The following OTUD3 variants were observed in gnomAD, a reference collection of about 807,000 sequenced individuals.
The protein encoded by OTUD3 is OTU domain-containing protein 3.
In OTUD3, 24 loss-of-function variants were observed where a neutral mutation model predicts 46.2. That is an observed-to-expected ratio of 0.52 (90% confidence interval 0.38 to 0.73). The LOEUF is 0.73. Ranked by LOEUF, OTUD3 falls within the 30% of genes least tolerant of loss-of-function variation. The pLI, the probability that OTUD3 is intolerant of heterozygous loss-of-function variation, is 0.00. For missense variants in OTUD3, 455 were observed against 523.3 expected (o/e 0.87, Z 1.27); for synonymous variants, 189 against 195.4 (o/e 0.97, Z 0.27).
chr1:19,897,509 TCA>T, intron 3 of OTUD3, 29 bp from the exon 4 acceptor site: 1 of 1,612,364 alleles, frequency 6.2e-7, no homozygotes, highest in South Asian at 1.1e-5. Context: ...GTTCAGATCC[TCA>T]CTGGCATGGC....
chr1:19,909,441 G>C lies in OTUD3; in HGVS notation c.*1695G>C, dbSNP rs1022845888. 8.5e-5 allele frequency: 13 copies of C among 152,340 alleles called. No individual in the cohort carries two copies. Among genetic ancestry groups the C allele is most frequent in the Non-Finnish European group, 1.9e-4 (13 of 68,030 alleles). 9.4% of individuals were successfully genotyped at this position (152,340 alleles called of 1,614,324 possible). Reference sequence around the variant, plus strand: ...TTTTCTGTGCACGTCGCAGAGTCCTGAGCTTGAGGCTGTGTTACTCTACTC... The same window carrying C: ...TTTTCTGTGCACGTCGCAGAGTCCTCAGCTTGAGGCTGTGTTACTCTACTC... On this transcript the variant is annotated 3_prime_UTR_variant, in exon 8 of 8. Coordinates refer to ENST00000375120, the MANE Select transcript of OTUD3 (RefSeq NM_015207.2).
At position 19,897,095 on chromosome 1, in the gene OTUD3, G is replaced by T. The variant is rs186632181; in HGVS notation, c.484-445G>T. 1.3e-3 allele frequency among the ~76,000 whole-genome samples: 205 copies of T among 152,310 alleles called. 1 individual carries two copies. The highest frequency in any genetic ancestry group is 3.4e-3 in the Middle Eastern group (1 of 294). ...AGGACTCCCTTTCTAGGTCTTGGGA[G>T]AAGTTCTACCAGTTTTATATTTATA... On this transcript the variant is annotated intron_variant, in intron 3 of 7. Transcript: ENST00000375120.
In OTUD3 at chr1:19,894,384, G is replaced by A. The variant is rs767519303; in HGVS notation, c.387G>A (p.Lys129=). The A allele has an allele frequency of 1.0e-5, 16 of 1,607,130 alleles. No homozygotes were observed. Among genetic ancestry groups the A allele is most frequent in the Non-Finnish European group, 1.2e-5 (14 of 1,176,212 alleles). ...PFEKHVASLA[K]PGTFAGNDAI... ...TCCATGCAGTGGCCAGTTTGGCAAA[G>A]CCTGGTACTTTTGCTGGCAATGATG... is the stretch of plus-strand genomic sequence containing the variant. The change falls in exon 3 of 8, where the codon AAG becomes AAA. Residue 129 remains lysine, a synonymous_variant. Coordinates refer to ENST00000375120, the MANE Select transcript of OTUD3 (RefSeq NM_015207.2).
chr1:19,906,867 C>G (rs554030182), intron 7 of OTUD3: 2 of 317,336 alleles, frequency 6.3e-6, no homozygotes, highest in East Asian at 5.8e-5. Context: ...GCCTCCTTTT[C>G]CCACCTAACA....
chr1:19,882,561 G>A lies in OTUD3; in HGVS notation c.48G>A (p.Arg16=). 2 of 1,368,092 alleles carry A rather than the reference G, an allele frequency of 1.5e-6. No homozygotes were observed. The highest frequency in any genetic ancestry group is 1.9e-6 in the Non-Finnish European group (2 of 1,069,264). 84.7% of individuals were successfully genotyped at this position (1,368,092 alleles called of 1,614,324 possible). Residue 16 remains arginine (R), a synonymous_variant, in exon 1 of 8, where the codon CGG becomes CGA. Transcript: ENST00000375120. ...AGAGCCGGCCGGGCAGCGGCAGCCG[G>A]AAAGCCGAGGCCGAGCGCAAGCGGG... ...AAKSRPGSGS[R]KAEAERKRDE...
At position 19,894,097 on chromosome 1, in the gene OTUD3, CTT is replaced by C. The variant is rs377178022; in HGVS notation, c.371-268_371-267del. The stretch of plus-strand genomic sequence containing the variant: ...GTGTTTATTGTTATGTTTCTAGTGC[CTT>C]TTATTGAGTTAGTATATTGGAAGTA... On this transcript the variant is annotated intron_variant, in intron 2 of 7. Coordinates refer to ENST00000375120, the MANE Select transcript of OTUD3 (RefSeq NM_015207.2). Among the ~76,000 whole-genome samples the C allele has an allele frequency of 3.7e-4, 57 of 152,302 alleles. 1 individual carries two copies. In the East Asian group the frequency reaches 0.011, roughly 28 times the overall value.
chr1:19,904,118 G>T, intron 4 of OTUD3, 149 bp from the exon 5 acceptor site: 1 of 485,486 alleles, frequency 2.1e-6, no homozygotes, highest in Non-Finnish European at 3.6e-6. Flanking sequence ...ATAAAATGGA[G>T]CCTAGTCATT....
Position 19,907,968 on chromosome 1 carries a change from T to C in OTUD3, c.*222T>C. 1 of 436,250 alleles carries C rather than the reference T, an allele frequency of 2.3e-6. No individual in the cohort carries two copies. The highest frequency in any genetic ancestry group is 4.1e-6 in the Non-Finnish European group (1 of 246,268). The allele number at this position is 436,250 out of a possible 1,614,324, so 27.0% of individuals were successfully genotyped here. On this transcript the variant is annotated 3_prime_UTR_variant, in exon 8 of 8. Transcript: ENST00000375120. The stretch of plus-strand genomic sequence containing the variant: ...GAAAATGCAGTGAGGCCATTCATAT[T>C]CTGTAATACAAAATTAAAATACTGA...
At chr1:19,899,998 T>G (rs2045564260) in intron 4 of OTUD3, among the ~76,000 whole-genome samples, 1 of 152,160 alleles carries the variant, frequency 6.6e-6, no homozygotes, top group South Asian at 2.1e-4. Context: ...TTGCAAATAG[T>G]TTTTCGCACT....
chr1:19,903,503 T>G (rs1160408956), intron 4 of OTUD3, among the ~76,000 whole-genome samples: 1 of 152,220 alleles, frequency 6.6e-6, no homozygotes, highest in Non-Finnish European at 1.5e-5. Context: ...GAATATACTG[T>G]ACATTGCTGG....
Position 19,907,687 on chromosome 1 carries a change from G to A in OTUD3, c.1138G>A (p.Glu380Lys), listed in dbSNP as rs1039993167. The A allele has an allele frequency of 3.1e-6, 5 of 1,614,098 alleles. No individual in the cohort carries two copies. Among genetic ancestry groups the A allele is most frequent in the Admixed American group, 1.7e-5 (1 of 60,004 alleles). Reference protein sequence around the residue: ...RGSHRDNNRSEAEANTQVTLV... With the variant: ...RGSHRDNNRSKAEANTQVTLV... Reference sequence around the variant, plus strand: ...TAGCCACAGGGACAATAACAGAAGCGAAGCAGAGGCGAACACGCAGGTCAC... The same window carrying A: ...TAGCCACAGGGACAATAACAGAAGCAAAGCAGAGGCGAACACGCAGGTCAC... The change falls in exon 8 of 8, where the codon GAA becomes AAA. Residue 380 changes from glutamate to lysine, a missense_variant. Transcript: ENST00000375120.
intron 6 of OTUD3, 112 bp from the exon 7 acceptor site, chr1:19,906,320 A>T: frequency 1.2e-6 from 1 of 866,192 alleles, no homozygotes; most frequent in Non-Finnish European, 1.7e-6. Context: ...AAGGAAACTT[A>T]CTTCCCTTAT....
intron 3 of OTUD3, among the ~76,000 whole-genome samples, chr1:19,896,187 G>T (rs1413154858): frequency 6.6e-6 from 1 of 151,912 alleles, no homozygotes; most frequent in Non-Finnish European, 1.5e-5. Context: ...TAAAGAGTAG[G>T]CTTATACTCA....
intron 4 of OTUD3, among the ~76,000 whole-genome samples, chr1:19,901,024 C>T (rs2045581939): frequency 6.6e-6 from 1 of 151,242 alleles, no homozygotes. Context: ...ATTCTCCTGC[C>T]TCAGCCTCCC....
At position 19,906,620 on chromosome 1, in the gene OTUD3, T is replaced by C. The variant is rs776140510; in HGVS notation, c.1020+4T>C. 2 of 1,603,010 alleles carry C rather than the reference T, an allele frequency of 1.2e-6. No individual in the cohort carries two copies. The highest frequency in any genetic ancestry group is 1.7e-6 in the Non-Finnish European group (2 of 1,174,246). ...AAATAAAAACCAGCTCGCAAAGGTA[T>C]GTAAGATGGGGTTGAATGGGCAGGT... On this transcript the variant is annotated splice_donor_region_variant and intron_variant, in intron 7 of 7. Coordinates refer to ENST00000375120, the MANE Select transcript of OTUD3 (RefSeq NM_015207.2).
chr1:19,887,505 A>G (rs559787023), intron 1 of OTUD3, among the ~76,000 whole-genome samples: 3 of 152,340 alleles, frequency 2.0e-5, no homozygotes, highest in East Asian at 1.9e-4. Flanking sequence ...AGCAACCACT[A>G]TTAAACAACA....
chr1:19,893,393 A>AG (rs1041481926), intron 2 of OTUD3, among the ~76,000 whole-genome samples: 5 of 152,206 alleles, frequency 3.3e-5, no homozygotes, highest in African/African-American at 1.2e-4. Flanking sequence ...AGAGATGCAT[A>AG]GGACAGTCTG....
At chr1:19,905,161 G>A in intron 6 of OTUD3, among the ~76,000 whole-genome samples, 174 bp downstream of exon 6, 1 of 152,226 alleles carries the variant, frequency 6.6e-6, no homozygotes, top group East Asian at 1.9e-4. Flanking sequence ...CTCTGCTTCA[G>A]GGGGAGTATA....
rs2045284474 is a variant in OTUD3, at chr1:19,882,604, C to T, written c.91C>T (p.Arg31Trp). The T allele has an allele frequency of 7.0e-7, 1 of 1,437,176 alleles. No individual in the cohort carries two copies. 89.0% of individuals were successfully genotyped at this position (1,437,176 alleles called of 1,614,324 possible). A position where few individuals can be genotyped will look rare whatever the true frequency, so the allele number is the denominator to read the frequency against. Residue 31 changes from arginine (R) to tryptophan (W), a missense_variant, in exon 1 of 8, where the codon CGG becomes TGG. By Grantham distance (101) the Arg-to-Trp change is moderately radical (BLOSUM62 -3). Transcript: ENST00000375120. Reference protein sequence around the residue: ...ERKRDERAARRALAKERRNRP... With the variant: ...ERKRDERAARWALAKERRNRP... ...CAAGCGGGACGAGCGGGCGGCGCGC[C>T]GGGCCCTGGCCAAGGAGCGGCGGAA...
Sources: allele counts gnomAD v4.1 joint callset (sites outside exome capture counted in the v4.1 genomes callset), GRCh38; gene constraint gnomAD v4.1.1; transcripts MANE v1.5; gene names NCBI Gene and HGNC (gene_info 2026-07-23, HGNC 2026-07-21).